TDRD7: variants seen among roughly 807,000 people sequenced by gnomAD.
TDRD7 encodes the protein tudor domain-containing protein 7.
In TDRD7, 47 loss-of-function variants were observed where a neutral mutation model predicts 109.8. That is an observed-to-expected ratio of 0.43 (90% CI 0.34 to 0.55). The LOEUF is 0.55. Among genes scored for constraint, TDRD7 ranks in the 20% least tolerant of loss-of-function variants. TDRD7 has a pLI of 0.03. For missense variants in TDRD7, 1,164 were observed against 1,319.2 expected, an observed-to-expected ratio of 0.88 and a Z score of 1.82; for synonymous variants, 424 against 457.3, an observed-to-expected ratio of 0.93 and a Z score of 0.93.
intron 8 of TDRD7, 69 bp from the exon 9 acceptor site, chr9:97,470,489 T>C (rs558008179): frequency 1.4e-6 from 2 of 1,395,204 alleles, no homozygotes; most frequent in South Asian, 2.3e-5. Flanking sequence ...ATTGAGCCAA[T>C]TAAGTGTATC....
chr9:97,423,896 T>C (rs1827940613), intron 1 of TDRD7, among the ~76,000 whole-genome samples: 1 of 152,124 alleles, frequency 6.6e-6, no homozygotes. Flanking sequence ...TTTTAAGTTG[T>C]TTGAATATCA....
At chr9:97,469,670 C>T (rs1828879294) in intron 8 of TDRD7, among the ~76,000 whole-genome samples, 1 of 152,118 alleles carries the variant, frequency 6.6e-6, no homozygotes, top group Admixed American at 6.6e-5. Context: ...ATTAGAGATG[C>T]ATATTAGGTT....
intron 1 of TDRD7, among the ~76,000 whole-genome samples, chr9:97,415,146 C>T (rs537439643): frequency 7.2e-5 from 11 of 152,274 alleles, no homozygotes; most frequent in Middle Eastern, 3.4e-3. Flanking sequence ...CCTAATAATT[C>T]TTCTGATTTG....
At chr9:97,429,615 A>G (rs1350852769) in intron 2 of TDRD7, among the ~76,000 whole-genome samples, 3 of 152,230 alleles carry the variant, frequency 2.0e-5, no homozygotes. Context: ...GAGAAGATAT[A>G]AATTAATTAA....
In TDRD7 at chr9:97,432,104, A is replaced by G; in HGVS notation, c.429A>G (p.Leu143=). Reference sequence around the variant, plus strand: ...GCAAAAAACCTAATCCAGCACCGTTAAGAGACAAAGGAAACTCTGTTGGAG... The same window carrying G: ...GCAAAAAACCTAATCCAGCACCGTTGAGAGACAAAGGAAACTCTGTTGGAG... ...SVGKKPNPAP[L]RDKGNSVGVK... The change falls in exon 4 of 17, where the codon TTA becomes TTG. Residue 143 remains leucine, a synonymous_variant. Transcript: ENST00000355295. The G allele has an allele frequency of 6.2e-7, 1 of 1,613,906 alleles. No homozygotes were observed. The highest frequency in any genetic ancestry group is 1.1e-5 in the South Asian group (1 of 91,088).
rs189390056 is a variant in TDRD7, at chr9:97,483,558, A to G, written c.2915+207A>G. Among the ~76,000 whole-genome samples, 22 of 152,296 alleles carry G rather than the reference A, an allele frequency of 1.4e-4. No homozygotes were observed. The East Asian group carries it at 4.2e-3, about 29-fold the overall frequency. On this transcript the variant is annotated intron_variant, in intron 15 of 16. Transcript: ENST00000355295. Reference sequence around the variant, plus strand: ...TTGGCCATATTCCTGTTAAAACCCAATTATATAACTAAAATGAATGTTTAA... The same window carrying G: ...TTGGCCATATTCCTGTTAAAACCCAGTTATATAACTAAAATGAATGTTTAA...
At chr9:97,413,412 G>A (rs1194732244) in intron 1 of TDRD7, among the ~76,000 whole-genome samples, 1 of 151,558 alleles carries the variant, frequency 6.6e-6, no homozygotes, top group East Asian at 2.0e-4. Flanking sequence ...GAGGTACCTG[G>A]CTTACTTTGC....
At chr9:97,439,191 G>C (rs1254852082) in intron 4 of TDRD7, 54 bp from the exon 5 acceptor site, 1 of 1,411,778 alleles carries the variant, frequency 7.1e-7, no homozygotes, top group African/African-American at 1.5e-5. Flanking sequence ...TTAAAACTTG[G>C]TATAGACTTT....
rs762113652 is a variant in TDRD7, at chr9:97,473,554, C to T, written c.2007C>T (p.Cys669=). 1 of 1,613,822 alleles carries T rather than the reference C, an allele frequency of 6.2e-7. No individual in the cohort carries two copies. Among genetic ancestry groups the T allele is most frequent in the South Asian group, 1.1e-5 (1 of 91,086 alleles). Residue 669 remains cysteine (C), a synonymous_variant, in exon 11 of 17, where the codon TGC becomes TGT. Coordinates refer to ENST00000355295, the MANE Select transcript of TDRD7 (RefSeq NM_014290.3). ...TNICSDGTLY[C]QVPCKGLNKL... ...TTTGCTCTGATGGGACACTCTACTG[C>T]CAGGTGCCTTGTAAGGGTCTGAACA...
intron 5 of TDRD7, among the ~76,000 whole-genome samples, chr9:97,440,055 T>A (rs541751780): frequency 1.3e-5 from 2 of 152,340 alleles, no homozygotes; most frequent in Non-Finnish European, 2.9e-5. Context: ...CTTTTTTTTT[T>A]ATAAGAACAC....
intron 6 of TDRD7, among the ~76,000 whole-genome samples, chr9:97,443,266 C>G (rs1828343980): frequency 6.6e-6 from 1 of 152,104 alleles, no homozygotes; most frequent in Non-Finnish European, 1.5e-5. Flanking sequence ...ACGATGAAGA[C>G]ACTTGGAGTG....
At chr9:97,473,666 A>C in intron 11 of TDRD7, 40 bp downstream of exon 11, 1 of 1,612,324 alleles carries the variant, frequency 6.2e-7, no homozygotes, top group Non-Finnish European at 8.5e-7. Context: ...TTAGCCCTAA[A>C]ATTACAAGCA....
intron 8 of TDRD7, among the ~76,000 whole-genome samples, chr9:97,470,329 A>G (rs1828888993): frequency 6.6e-6 from 1 of 152,160 alleles, no homozygotes; most frequent in Non-Finnish European, 1.5e-5. Flanking sequence ...TTGAAGGGGT[A>G]GGGTGAGGTA....
In TDRD7 at chr9:97,482,883, A is replaced by T. The variant is rs1468166353; in HGVS notation, c.2447A>T (p.His816Leu). The change falls in exon 15 of 17, where the codon CAT becomes CTT. Residue 816 changes from histidine to leucine, a missense_variant. His to Leu is a moderately conservative substitution (Grantham distance 99). Transcript: ENST00000355295. ...GTGGATGAAACCAGAGGGATCGCACATGTTTATTTATTTACCCCTAAGAAC... is the reference window on the plus strand; with the variant it reads ...GTGGATGAAACCAGAGGGATCGCACTTGTTTATTTATTTACCCCTAAGAAC... Reference protein sequence around the residue: ...TKVDETRGIAHVYLFTPKNFP... With the variant: ...TKVDETRGIALVYLFTPKNFP... 1 of 1,614,050 alleles carries T rather than the reference A, an allele frequency of 6.2e-7. No homozygotes were observed. The highest frequency in any genetic ancestry group is 1.3e-5 in the African/African-American group (1 of 74,938).
intron 2 of TDRD7, 97 bp downstream of exon 2, chr9:97,428,769 A>G: frequency 8.7e-7 from 1 of 1,147,228 alleles, no homozygotes; most frequent in Non-Finnish European, 1.3e-6. Context: ...GTCTAAGTGA[A>G]AGTACTAGCT....
At chr9:97,470,145 G>T (rs563529588) in intron 8 of TDRD7, among the ~76,000 whole-genome samples, 3 of 152,206 alleles carry the variant, frequency 2.0e-5, no homozygotes, top group Non-Finnish European at 4.4e-5. Context: ...AAATACTGCT[G>T]TCCAGGGAAC....
chr9:97,443,567 T>G (rs922839577), intron 6 of TDRD7, among the ~76,000 whole-genome samples: 3 of 152,214 alleles, frequency 2.0e-5, no homozygotes, highest in Non-Finnish European at 4.4e-5. Flanking sequence ...GGGAAGAATT[T>G]TCCTCACTCG....
chr9:97,476,355 G>A (rs570636201), intron 12 of TDRD7, among the ~76,000 whole-genome samples: 176 of 152,168 alleles, frequency 1.2e-3, no homozygotes, highest in African/African-American at 4.1e-3. Flanking sequence ...GAGTTTTGTT[G>A]TGGTTTATCT....
intron 16 of TDRD7, among the ~76,000 whole-genome samples, chr9:97,490,032 G>A (rs1033170038): frequency 6.0e-5 from 9 of 151,232 alleles, no homozygotes; most frequent in African/African-American, 1.7e-4. Flanking sequence ...ATGTGCACAC[G>A]TGCACACACA....
Sources: allele counts gnomAD v4.1 joint callset (sites outside exome capture counted in the v4.1 genomes callset), GRCh38; gene constraint gnomAD v4.1.1; transcripts MANE v1.5; gene names NCBI Gene and HGNC (gene_info 2026-07-23, HGNC 2026-07-21).